ROBO2: variants seen among roughly 807,000 people sequenced by gnomAD.
ROBO2 encodes the protein roundabout guidance receptor 2.
A neutral mutation model predicts 160.8 loss-of-function variants in ROBO2; 53 were observed. The observed-to-expected ratio is 0.33, with a 90% confidence interval of 0.26 to 0.41. The LOEUF is 0.41. Among genes scored for constraint, ROBO2 ranks in the 10% least tolerant of loss-of-function variants. The pLI is 1.00. For missense variants in ROBO2, 1,577 were observed against 1,722.4 expected (o/e 0.92, Z 1.49); for synonymous variants, 664 against 611.7 (o/e 1.09, Z -1.26).
intron 2 of ROBO2, among the ~76,000 whole-genome samples, chr3:76,301,692 G>A (rs1222804337): frequency 3.3e-5 from 5 of 152,082 alleles, no homozygotes; most frequent in Non-Finnish European, 7.4e-5. Flanking sequence ...GTCAGAGACT[G>A]CTAGTTTCCC....
chr3:77,612,371 G>A (rs752721373), intron 21 of ROBO2, among the ~76,000 whole-genome samples: 12 of 152,288 alleles, frequency 7.9e-5, no homozygotes, highest in Middle Eastern at 3.4e-3. Flanking sequence ...TGAAACCTAA[G>A]TATTTGTTGC....
At chr3:77,495,304 T>C (rs763061276) in intron 5 of ROBO2, among the ~76,000 whole-genome samples, 19 of 152,218 alleles carry the variant, frequency 1.2e-4, no homozygotes, top group Non-Finnish European at 2.6e-4. Context: ...GTTACAAAAG[T>C]TAGTAACAGA....
At chr3:77,556,376 A>G (rs1023995391) in intron 8 of ROBO2, among the ~76,000 whole-genome samples, 14 of 151,930 alleles carry the variant, frequency 9.2e-5, no homozygotes, top group Non-Finnish European at 1.9e-4. Context: ...TTGTTTGTGA[A>G]TGATAAACAG....
chr3:76,602,302 C>T (rs772253294), intron 2 of ROBO2, among the ~76,000 whole-genome samples: 24 of 152,120 alleles, frequency 1.6e-4, no homozygotes, highest in Non-Finnish European at 2.6e-4. Context: ...TTCCAACCTC[C>T]GCCTGTTACC....
At chr3:77,114,452 T>A (rs1258588158) in intron 2 of ROBO2, among the ~76,000 whole-genome samples, 1 of 152,314 alleles carries the variant, frequency 6.6e-6, no homozygotes, top group East Asian at 1.9e-4. Context: ...CATTTCTTTA[T>A]GTGTCTTATA....
At chr3:76,345,880 C>T (rs1020858762) in intron 2 of ROBO2, among the ~76,000 whole-genome samples, 2 of 152,044 alleles carry the variant, frequency 1.3e-5, no homozygotes, top group Non-Finnish European at 2.9e-5. Context: ...GTACCAAACT[C>T]CAAGTTTGTA....
chr3:76,989,261 A>G (rs1268441951), intron 2 of ROBO2, among the ~76,000 whole-genome samples: 1 of 152,150 alleles, frequency 6.6e-6, no homozygotes, highest in East Asian at 1.9e-4. Flanking sequence ...TGCATGGGAT[A>G]TTATAGCCAC....
At chr3:76,675,339 G>A (rs2106771103) in intron 2 of ROBO2, among the ~76,000 whole-genome samples, 1 of 152,288 alleles carries the variant, frequency 6.6e-6, no homozygotes, top group South Asian at 2.1e-4. Context: ...AAATCAGAGA[G>A]TACTCGAAGC....
chr3:77,431,097 G>A (rs904549806), intron 2 of ROBO2, among the ~76,000 whole-genome samples: 4 of 152,212 alleles, frequency 2.6e-5, no homozygotes, highest in Non-Finnish European at 4.4e-5. Flanking sequence ...AATTAGAAAT[G>A]TATATAGTGC....
At chr3:76,672,247 G>A (rs972374898) in intron 2 of ROBO2, among the ~76,000 whole-genome samples, 3 of 151,948 alleles carry the variant, frequency 2.0e-5, no homozygotes, top group African/African-American at 7.2e-5. Flanking sequence ...TGAAGAGCAA[G>A]GACAAAGGGA....
At chr3:76,592,545 T>C (rs1451418495) in intron 2 of ROBO2, among the ~76,000 whole-genome samples, 1 of 152,106 alleles carries the variant, frequency 6.6e-6, no homozygotes, top group African/African-American at 2.4e-5. Context: ...AGATCAACAT[T>C]ACATCAAATA....
intron 7 of ROBO2, among the ~76,000 whole-genome samples, chr3:77,547,099 C>G (rs1414562242): frequency 6.6e-6 from 1 of 152,030 alleles, no homozygotes; most frequent in Non-Finnish European, 1.5e-5. Flanking sequence ...CCAGGGCCCT[C>G]TCTGGGCAAC....
At chr3:77,001,936 C>G (rs1044464725) in intron 2 of ROBO2, among the ~76,000 whole-genome samples, 1 of 152,058 alleles carries the variant, frequency 6.6e-6, no homozygotes, top group Admixed American at 6.6e-5. Flanking sequence ...TTTCACAAGG[C>G]ACCTAGCAAA....
intron 2 of ROBO2, among the ~76,000 whole-genome samples, chr3:77,420,141 A>G (rs986844536): frequency 3.3e-5 from 5 of 152,140 alleles, no homozygotes; most frequent in African/African-American, 1.2e-4. Flanking sequence ...CTTCAGTAAG[A>G]TGGAAGAGAT....
At chr3:77,187,589 C>A (rs558373701) in intron 2 of ROBO2, among the ~76,000 whole-genome samples, 5 of 152,026 alleles carry the variant, frequency 3.3e-5, no homozygotes, top group South Asian at 4.1e-4. Flanking sequence ...ATCTGTGGAT[C>A]ATCCTTACAG....
chr3:77,580,177 T>C, intron 16 of ROBO2, 59 bp downstream of exon 17: 1 of 1,521,296 alleles, frequency 6.6e-7, no homozygotes. Flanking sequence ...AGGTGGATGA[T>C]GATTTTGCAT....
At chr3:77,308,515 G>A (rs1312679512) in intron 2 of ROBO2, among the ~76,000 whole-genome samples, 1 of 152,096 alleles carries the variant, frequency 6.6e-6, no homozygotes, top group Non-Finnish European at 1.5e-5. Flanking sequence ...GAGAGCCCTG[G>A]CAGGAGAAAC....
chr3:77,556,789 C>T (rs1385178908), intron 8 of ROBO2, among the ~76,000 whole-genome samples: 1 of 151,666 alleles, frequency 6.6e-6, no homozygotes. Flanking sequence ...TTGTGGAAGT[C>T]TTTTTCATAT....
chr3:76,993,286 A>T (rs977792214), intron 2 of ROBO2, among the ~76,000 whole-genome samples: 2 of 152,206 alleles, frequency 1.3e-5, no homozygotes, highest in African/African-American at 4.8e-5. Context: ...TTTAAAAAAT[A>T]ATAAAATGTA....
Sources: allele counts gnomAD v4.1 joint callset (sites outside exome capture counted in the v4.1 genomes callset), GRCh38; gene constraint gnomAD v4.1.1; transcripts MANE v1.5; gene names NCBI Gene and HGNC (gene_info 2026-07-23, HGNC 2026-07-21).